The following DDX10 variants were observed in gnomAD, a reference collection of about 807,000 sequenced individuals.
The protein encoded by DDX10 is DEAD-box helicase 10, also known as probable ATP-dependent RNA helicase DDX10.
In DDX10, 74 loss-of-function variants were observed where a neutral mutation model predicts 104.3. That is an observed-to-expected ratio of 0.71 (90% CI 0.59 to 0.86). The LOEUF is 0.86. Ranked by LOEUF, DDX10 falls within the 40% of genes least tolerant of loss-of-function variation. DDX10 has a pLI of 0.00. For synonymous variants in DDX10, 351 were observed against 353.4 expected (o/e 0.99, Z 0.08); for missense variants, 952 against 1,040.0 (o/e 0.92, Z 1.16).
chr11:108,906,200 A>G (rs1370187260), intron 16 of DDX10, among the ~76,000 whole-genome samples: 1 of 152,228 alleles, frequency 6.6e-6, no homozygotes, highest in Non-Finnish European at 1.5e-5. Context: ...GGTGCATTCT[A>G]ACATTGATAC....
At chr11:108,835,165 G>A (rs543918927) in intron 13 of DDX10, among the ~76,000 whole-genome samples, 1 of 152,240 alleles carries the variant, frequency 6.6e-6, no homozygotes, top group African/African-American at 2.4e-5. Flanking sequence ...TACTGCCACT[G>A]TATTTTTTTC....
intron 16 of DDX10, among the ~76,000 whole-genome samples, chr11:108,882,920 G>A (rs967685083): frequency 7.2e-5 from 11 of 152,046 alleles, no homozygotes; most frequent in Non-Finnish European, 1.2e-4. Flanking sequence ...AAAATGTTGC[G>A]TCCATATCCA....
chr11:108,710,926 G>T (rs1205435115), intron 10 of DDX10, among the ~76,000 whole-genome samples: 1 of 152,204 alleles, frequency 6.6e-6, no homozygotes, highest in Non-Finnish European at 1.5e-5. Flanking sequence ...ACCATGCCTG[G>T]TTAATTTGTT....
At chr11:108,872,982 G>A (rs2134625125) in intron 16 of DDX10, among the ~76,000 whole-genome samples, 1 of 152,138 alleles carries the variant, frequency 6.6e-6, no homozygotes, top group East Asian at 1.9e-4. Context: ...TTGAGATCAG[G>A]AGCCACTGCT....
intron 13 of DDX10, among the ~76,000 whole-genome samples, chr11:108,828,660 C>T (rs575982389): frequency 2.6e-5 from 4 of 152,200 alleles, no homozygotes; most frequent in African/African-American, 7.2e-5. Context: ...ACTATAGCTC[C>T]GTCGCCCAGG....
intron 17 of DDX10, among the ~76,000 whole-genome samples, chr11:108,930,531 A>T (rs1207607514): frequency 6.6e-6 from 1 of 152,228 alleles, no homozygotes; most frequent in African/African-American, 2.4e-5. Context: ...CAGCTAGATC[A>T]CATGGTAGGG....
intron 13 of DDX10, among the ~76,000 whole-genome samples, chr11:108,805,503 A>G (rs1862085827): frequency 6.6e-6 from 1 of 152,376 alleles, no homozygotes; most frequent in South Asian, 2.1e-4. Flanking sequence ...TATTAGCAAC[A>G]TCTTATATTT....
In DDX10 at chr11:108,936,320, G is replaced by C. The variant is rs550479438; in HGVS notation, c.2451-3926G>C. ...GGATTATTGAAAGACTGTTATCTCT[G>C]AATTCTTTAGCTCTACTTCTTATTT... On this transcript the variant is annotated intron_variant, in intron 17 of 17. Transcript: ENST00000322536. Among the ~76,000 whole-genome samples, 3 of 152,256 alleles carry C rather than the reference G, an allele frequency of 2.0e-5. No homozygotes were observed. The South Asian group carries it at 6.2e-4, about 32-fold the overall frequency.
chr11:108,854,298 G>A (rs1275475398), intron 16 of DDX10, among the ~76,000 whole-genome samples: 1 of 152,222 alleles, frequency 6.6e-6, no homozygotes, highest in African/African-American at 2.4e-5. Flanking sequence ...AAATTTCTGT[G>A]ATATGTAAGG....
intron 13 of DDX10, among the ~76,000 whole-genome samples, chr11:108,812,392 T>G (rs1033787349): frequency 6.6e-6 from 1 of 152,194 alleles, no homozygotes; most frequent in Non-Finnish European, 1.5e-5. Context: ...TTTTTCGTTC[T>G]GAATTTTTTT....
At chr11:108,847,059 T>C (rs1196679908) in intron 15 of DDX10, among the ~76,000 whole-genome samples, 3 of 152,232 alleles carry the variant, frequency 2.0e-5, no homozygotes, top group African/African-American at 2.4e-5. Flanking sequence ...CTGGCACTTA[T>C]AGGTAGCTGT....
At chr11:108,845,398 T>C (rs1391635173) in intron 15 of DDX10, among the ~76,000 whole-genome samples, 1 of 152,254 alleles carries the variant, frequency 6.6e-6, no homozygotes, top group African/African-American at 2.4e-5. Context: ...CTGAGTATAC[T>C]ACTACTATAA....
chr11:108,719,805 C>T lies in DDX10; in HGVS notation c.1419C>T (p.Val473=). 1 of 1,596,292 alleles carries T rather than the reference C, an allele frequency of 6.3e-7. No individual in the cohort carries two copies. Among genetic ancestry groups the T allele is most frequent in the Non-Finnish European group, 8.6e-7 (1 of 1,165,946 alleles). Residue 473 remains valine (V), a synonymous_variant, in exon 12 of 18, where the codon GTC becomes GTT. Transcript: ENST00000322536. ...AACCTCTTAATTTACAGTGTTTCGT[C>T]TCCTATGTACGATCTGTATATCTGA... ...DLKERAQRCF[V]SYVRSVYLMK...
chr11:108,837,692 C>T (rs1197893260), intron 13 of DDX10, among the ~76,000 whole-genome samples: 1 of 125,348 alleles, frequency 8.0e-6, no homozygotes, highest in African/African-American at 3.0e-5. Context: ...GTGTGATCTT[C>T]ACTCACTGCA....
Position 108,679,442 on chromosome 11 carries a change from C to T in DDX10, c.730C>T (p.Pro244Ser), listed in dbSNP as rs758002404. ...DTMNAVIENL[P>S]KKRQTLLFSA... is the part of the protein sequence containing the mutation. ...CATGAATGCTGTTATTGAAAATCTC[C>T]CCAAGAAACGTCAGACTTTACTTTT... is the stretch of plus-strand genomic sequence containing the variant. Residue 244 changes from proline (P) to serine (S), a missense_variant, in exon 6 of 18, where the codon CCC (proline) becomes TCC (serine). Coordinates refer to ENST00000322536, the MANE Select transcript of DDX10 (RefSeq NM_004398.4). 6.2e-7 allele frequency: 1 copy of T among 1,613,354 alleles called. No homozygotes were observed.
chr11:108,843,814 T>C (rs1431969471), intron 15 of DDX10, among the ~76,000 whole-genome samples: 1 of 152,196 alleles, frequency 6.6e-6, no homozygotes, highest in East Asian at 1.9e-4. Flanking sequence ...GTCTGTCTTA[T>C]TCATACCTAC....
intron 13 of DDX10, among the ~76,000 whole-genome samples, chr11:108,798,075 A>G (rs1267934883): frequency 1.3e-5 from 2 of 151,964 alleles, no homozygotes; most frequent in Non-Finnish European, 2.9e-5. Context: ...ACTTCCATTT[A>G]TTTTCATATA....
intron 16 of DDX10, among the ~76,000 whole-genome samples, chr11:108,878,832 T>G (rs1289048166): frequency 1.3e-5 from 2 of 151,976 alleles, no homozygotes; most frequent in Non-Finnish European, 2.9e-5. Context: ...GTATGTGAAC[T>G]TAGAAAGATT....
intron 9 of DDX10, among the ~76,000 whole-genome samples, chr11:108,695,702 ATCT>A (rs1362913718): frequency 4.0e-5 from 6 of 150,180 alleles, no homozygotes; most frequent in African/African-American, 9.7e-5. Flanking sequence ...CAAGAAATAG[ATCT>A]TCTTAAAATT....
Sources: gnomAD v4.1 joint callset for allele counts (sites outside exome capture counted in the v4.1 genomes callset) on GRCh38, gnomAD v4.1.1 for gene constraint, MANE v1.5 for transcripts, NCBI Gene and HGNC (gene_info 2026-07-23, HGNC 2026-07-21) for gene names.